TGM1: variants seen among roughly 807,000 people sequenced by gnomAD.
TGM1 encodes the protein protein-glutamine gamma-glutamyltransferase K.
In TGM1, 63 loss-of-function variants were observed where a neutral mutation model predicts 88.7. The ratio of observed to expected loss-of-function variants is 0.71; its 90% CI spans 0.58 to 0.88. The LOEUF is 0.88. Ranked by LOEUF, TGM1 falls within the 40% of genes least tolerant of loss-of-function variation. The pLI, the probability that TGM1 is intolerant of heterozygous loss-of-function variation, is 0.00. For missense variants in TGM1, 996 were observed against 1,118.0 expected, an observed-to-expected ratio of 0.89 and a Z score of 1.56; for synonymous variants, 415 against 431.1, an observed-to-expected ratio of 0.96 and a Z score of 0.46.
chr14:24,258,198 C>T, intron 9 of TGM1, 87 bp downstream of exon 9: 1 of 1,183,626 alleles, frequency 8.4e-7, no homozygotes, highest in Non-Finnish European at 1.2e-6. Flanking sequence ...GGCTCTCCGG[C>T]CCGGCCCAGC....
intron 14 of TGM1, among the ~76,000 whole-genome samples, chr14:24,253,491 A>G (rs772090966): frequency 7.9e-5 from 12 of 151,968 alleles, no homozygotes; most frequent in South Asian, 2.1e-4. Context: ...AGAGAGAGAG[A>G]GAGACACACG....
Position 24,258,654 on chromosome 14 carries a change from C to T in TGM1, c.1179G>A (p.Leu393=), listed in dbSNP as rs761659999. The T allele has an allele frequency of 4.3e-6, 7 of 1,614,168 alleles. No homozygotes were observed. The highest frequency in any genetic ancestry group is 5.9e-6 in the Non-Finnish European group (7 of 1,180,032). ...VTTTVLRCLG[L]ATRTVTNFNS... ...TGAAGTTGGTGACAGTACGGGTGGCCAGACCCAGGCAGCGCAGCACTGTGG... is the reference window on the plus strand; with the variant it reads ...TGAAGTTGGTGACAGTACGGGTGGCTAGACCCAGGCAGCGCAGCACTGTGG... Residue 393 remains leucine, a synonymous_variant, in exon 8 of 15, where the codon CTG becomes CTA. Coordinates refer to ENST00000206765, the MANE Select transcript of TGM1 (RefSeq NM_000359.3).
In TGM1 at chr14:24,262,320, A is replaced by G. The variant is rs754885672; in HGVS notation, c.33T>C (p.Arg11=). Residue 11 remains arginine (R), a synonymous_variant, in exon 2 of 15, where the codon CGT becomes CGC. Coordinates refer to ENST00000206765, the MANE Select transcript of TGM1 (RefSeq NM_000359.3). MMDGPRSDVG[R]WGGNPLQPPT... is the part of the protein sequence containing the mutation. ...GGGGCTGCAAGGGGTTGCCACCCCA[A>G]CGGCCCACATCGGAACGTGGCCCAT... The G allele has an allele frequency of 8.7e-6, 14 of 1,613,686 alleles. No homozygotes were observed. The highest frequency in any genetic ancestry group is 3.3e-4 in the Middle Eastern group (2 of 6,062).
intron 9 of TGM1, among the ~76,000 whole-genome samples, chr14:24,257,092 G>A (rs2040757581): frequency 6.6e-6 from 1 of 152,228 alleles, no homozygotes; most frequent in Non-Finnish European, 1.5e-5. Flanking sequence ...ACTTCCCAGA[G>A]TTGGGGGCCA....
At chr14:24,249,763 C>T (rs894881327) in intron 14 of TGM1, among the ~76,000 whole-genome samples, 4 of 152,092 alleles carry the variant, frequency 2.6e-5, no homozygotes, top group Non-Finnish European at 5.9e-5. Context: ...CTCTCCCCAT[C>T]GTCTGGGACT....
chr14:24,259,690 G>T lies in TGM1; in HGVS notation c.984+14C>A, dbSNP rs772184340. Reference sequence around the variant, plus strand: ...CACACACACAGTAGGACTCAGAGATGTGAGGGTGCTCACCATGGCAGAGAT... The same window carrying T: ...CACACACACAGTAGGACTCAGAGATTTGAGGGTGCTCACCATGGCAGAGAT... On this transcript the variant is annotated intron_variant, in intron 6 of 14. Transcript: ENST00000206765. This position sits in a 1 kb window ranked among gnomAD's most constrained non-coding sequence, Gnocchi z 5.7. 5.6e-6 allele frequency: 9 copies of T among 1,601,526 alleles called. No individual in the cohort carries two copies. Among genetic ancestry groups the T allele is most frequent in the Non-Finnish European group, 7.7e-6 (9 of 1,172,250 alleles).
chr14:24,254,324 AC>A (rs1384806285), intron 13 of TGM1, 36 bp from the exon 14 acceptor site: 2 of 1,613,582 alleles, frequency 1.2e-6, no homozygotes, highest in African/African-American at 2.7e-5. Context: ...CACGTCAGAG[AC>A]CCTGGCCAAA....
At chr14:24,253,480 CAG>C (rs148602013) in intron 14 of TGM1, among the ~76,000 whole-genome samples, 16 of 149,926 alleles carry the variant, frequency 1.1e-4, no homozygotes, top group Non-Finnish European at 1.9e-4. Context: ...GTGTGTGTGA[CAG>C]AGAGAGAGAG....
intron 14 of TGM1, among the ~76,000 whole-genome samples, chr14:24,250,697 C>T (rs1289684731): frequency 1.3e-5 from 2 of 152,216 alleles, no homozygotes; most frequent in Non-Finnish European, 2.9e-5. Flanking sequence ...CTGAGCACCT[C>T]CTGCCTCTAG....
intron 9 of TGM1, among the ~76,000 whole-genome samples, chr14:24,257,686 G>A (rs899595709): frequency 6.6e-6 from 1 of 152,158 alleles, no homozygotes; most frequent in African/African-American, 2.4e-5. Flanking sequence ...CAAAAAATCC[G>A]GCTGATCGTC....
At position 24,256,982 on chromosome 14, in the gene TGM1, C is replaced by T. The variant is rs573898614; in HGVS notation, c.1403-905G>A. 5.3e-5 allele frequency among the ~76,000 whole-genome samples: 8 copies of T among 152,320 alleles called. No individual in the cohort carries two copies. The South Asian group carries it at 1.7e-3, about 32-fold the overall frequency. ...TCCAAACCACCAAAGCCTAAAAGTT[C>T]GAGGTGCTTGCCCAAGAGCATACAT... On this transcript the variant is annotated intron_variant, in intron 9 of 14. Coordinates refer to ENST00000206765, the MANE Select transcript of TGM1 (RefSeq NM_000359.3).
chr14:24,251,302 T>C (rs1201796687), intron 14 of TGM1, among the ~76,000 whole-genome samples: 4 of 152,226 alleles, frequency 2.6e-5, no homozygotes, highest in Non-Finnish European at 5.9e-5. Flanking sequence ...TAACTTTTCA[T>C]AGATACAAGA....
chr14:24,253,263 C>A (rs1440822374), intron 14 of TGM1, among the ~76,000 whole-genome samples: 2 of 152,214 alleles, frequency 1.3e-5, no homozygotes, highest in Non-Finnish European at 2.9e-5. Context: ...GGAGCACTAA[C>A]TTTGTGCCAA....
rs751219893 is a variant in TGM1, at chr14:24,255,212, G to A, written c.1687C>T (p.His563Tyr). ...ERKAVETAAA[H>Y]GSKPNVYANR... ...GCATACACATTGGGTTTGCTGCCGT[G>A]GGCTGCTGCTGTCTCTACTGCCTTC... The change falls in exon 12 of 15, where the codon CAC becomes TAC. Residue 563 changes from histidine (H) to tyrosine (Y), a missense_variant. By Grantham distance (83) the His-to-Tyr change is moderately conservative. Transcript: ENST00000206765. This position sits in a 1 kb window ranked among gnomAD's most constrained non-coding sequence, Gnocchi z 4.0. The A allele has an allele frequency of 2.5e-6, 4 of 1,613,822 alleles. No individual in the cohort carries two copies. The highest frequency in any genetic ancestry group is 3.4e-6 in the Non-Finnish European group (4 of 1,180,030).
At chr14:24,256,166 C>T in intron 9 of TGM1, 89 bp from the exon 10 acceptor site, 1 of 1,127,292 alleles carries the variant, frequency 8.9e-7, no homozygotes, top group Non-Finnish European at 1.3e-6. Context: ...AGGGCCCCAG[C>T]CCCACCCACT....
Position 24,254,065 on chromosome 14 carries a change from G to C in TGM1, c.2225+87C>G. 4.5e-6 allele frequency: 7 copies of C among 1,540,314 alleles called. No homozygotes were observed. The South Asian group carries it at 8.3e-5, about 18-fold the overall frequency. ...GGTCCTGACAGAACATACTTGTCCA[G>C]ACAGAGAGGGAGCAAAGCTGGGAGC... On this transcript the variant is annotated intron_variant, in intron 14 of 14. Coordinates refer to ENST00000206765, the MANE Select transcript of TGM1 (RefSeq NM_000359.3).
In TGM1 at chr14:24,253,496, C is replaced by T. The variant is rs192499726; in HGVS notation, c.2225+656G>A. Among the ~76,000 whole-genome samples, 34 of 152,086 alleles carry T rather than the reference C, an allele frequency of 2.2e-4. No individual in the cohort carries two copies. The East Asian group carries it at 6.0e-3, about 27-fold the overall frequency. On this transcript the variant is annotated intron_variant, in intron 14 of 14. Transcript: ENST00000206765. ...TGTGTGTGACAGAGAGAGAGAGAGACACACGGGGTCTCACTCTGTCGCCCA... is the reference window on the plus strand; with the variant it reads ...TGTGTGTGACAGAGAGAGAGAGAGATACACGGGGTCTCACTCTGTCGCCCA...
chr14:24,259,052 T>A lies in TGM1; in HGVS notation c.1159+23A>T, dbSNP rs2040782252. ...CTTCTCCCTGTAGGGCCCGGGCCAC[T>A]CCTGTCCCAGTCCCTCCACTACCTG... On this transcript the variant is annotated intron_variant, in intron 7 of 14. Coordinates refer to ENST00000206765, the MANE Select transcript of TGM1 (RefSeq NM_000359.3). The surrounding 1 kb of genome is among the most constrained non-coding windows in gnomAD (Gnocchi z 5.7). The A allele has an allele frequency of 6.2e-7, 1 of 1,613,276 alleles. No homozygotes were observed. Among genetic ancestry groups the A allele is most frequent in the Admixed American group, 1.7e-5 (1 of 59,964 alleles).
intron 14 of TGM1, among the ~76,000 whole-genome samples, chr14:24,250,877 T>C (rs1160056091): frequency 1.3e-5 from 2 of 152,208 alleles, no homozygotes; most frequent in African/African-American, 4.8e-5. Flanking sequence ...AGCCTGCCGC[T>C]GGGGACCCTT....
Sources: allele counts gnomAD v4.1 joint callset (sites outside exome capture counted in the v4.1 genomes callset), GRCh38; gene constraint gnomAD v4.1.1; non-coding constraint Gnocchi (gnomAD v3.1); transcripts MANE v1.5; gene names NCBI Gene and HGNC (gene_info 2026-07-23, HGNC 2026-07-21).